TRMT11: variants seen among roughly 807,000 people sequenced by gnomAD.
TRMT11 encodes the protein tRNA methyltransferase 11.
TRMT11 carries 53 observed loss-of-function variants against 62.8 expected under a neutral mutation model. The observed-to-expected ratio is 0.84, with a 90% CI of 0.68 to 1.06. The LOEUF (loss-of-function observed/expected upper bound fraction) is 1.06, where lower values mean the gene tolerates loss of function less well. TRMT11 is among the 50% of genes least tolerant of loss of function. TRMT11 has a pLI of 0.00. For synonymous variants in TRMT11, 188 were observed against 190.3 expected (o/e 0.99, Z 0.10); for missense variants, 556 against 553.4 (o/e 1.00, Z -0.05).
intron 18 of TRMT11, among the ~76,000 whole-genome samples, chr6:126,114,553 C>T (rs1381193320): frequency 6.6e-6 from 1 of 152,044 alleles, no homozygotes; most frequent in Non-Finnish European, 1.5e-5. Context: ...CTCCTAGAGG[C>T]TAAAACAGTG....
chr6:126,200,240 C>T (rs1009932227), intron 3 of TRMT11, among the ~76,000 whole-genome samples: 3 of 152,116 alleles, frequency 2.0e-5, no homozygotes, highest in African/African-American at 4.8e-5. Context: ...CAAAGATCCT[C>T]GAAGATATCC....
chr6:126,103,146 A>G (rs1051379842), intron 17 of TRMT11, among the ~76,000 whole-genome samples: 1 of 152,156 alleles, frequency 6.6e-6, no homozygotes, highest in African/African-American at 2.4e-5. Flanking sequence ...TTCTCTTCCC[A>G]CAGCATACTT....
chr6:126,079,793 G>A (rs545252597), intron 17 of TRMT11, among the ~76,000 whole-genome samples: 1 of 152,288 alleles, frequency 6.6e-6, no homozygotes, highest in South Asian at 2.1e-4. Flanking sequence ...TCCTTGCAAA[G>A]CTCCGTGGTA....
intron 11 of TRMT11, among the ~76,000 whole-genome samples, chr6:126,018,234 C>T (rs1307002391): frequency 6.6e-6 from 1 of 152,150 alleles, no homozygotes; most frequent in Non-Finnish European, 1.5e-5. Flanking sequence ...GTGAACTTTG[C>T]AGTGCCTATA....
At chr6:126,083,052 A>G (rs1411395405) in intron 17 of TRMT11, among the ~76,000 whole-genome samples, 6 of 152,218 alleles carry the variant, frequency 3.9e-5, no homozygotes, top group Admixed American at 1.3e-4. Context: ...TGGGCAAAAG[A>G]CTTGAATAGA....
At chr6:126,154,924 C>T (rs929012008) in intron 21 of TRMT11, among the ~76,000 whole-genome samples, 1 of 152,126 alleles carries the variant, frequency 6.6e-6, no homozygotes, top group African/African-American at 2.4e-5. Flanking sequence ...CTGTTTTAGA[C>T]CTAGGTTCTG....
intron 17 of TRMT11, among the ~76,000 whole-genome samples, chr6:126,060,840 T>G (rs903915907): frequency 1.3e-5 from 2 of 152,236 alleles, no homozygotes; most frequent in African/African-American, 2.4e-5. Context: ...GAACACAACA[T>G]AGACTACTTG....
intron 18 of TRMT11, among the ~76,000 whole-genome samples, chr6:126,113,240 A>G (rs534592680): frequency 1.3e-5 from 2 of 152,072 alleles, no homozygotes; most frequent in African/African-American, 2.4e-5. Flanking sequence ...ATGTCTCTGC[A>G]TGTCCAGGCA....
intron 17 of TRMT11, among the ~76,000 whole-genome samples, chr6:126,067,553 T>C (rs1268701420): frequency 2.0e-5 from 3 of 152,228 alleles, no homozygotes; most frequent in Non-Finnish European, 4.4e-5. Context: ...TGTGTGACTA[T>C]ACTGTAGTTT....
chr6:126,012,803 A>G lies in TRMT11; in HGVS notation c.958A>G (p.Thr320Ala). ...TGGTATCAGAGAATCTACAAGAAGA[A>G]CAGGTTCACAGAAGGAGATACCAAA... ...PYGIRESTRR[T>A]GSQKEIPKGI... Residue 320 changes from threonine to alanine, a missense_variant, in exon 10 of 13, where the codon ACA becomes GCA. Physicochemically the swap from Thr to Ala is moderately conservative, Grantham distance 58. Transcript: ENST00000334379. The G allele has an allele frequency of 6.2e-7, 1 of 1,613,796 alleles. No individual in the cohort carries two copies. Among genetic ancestry groups the G allele is most frequent in the South Asian group, 1.1e-5 (1 of 91,074 alleles).
chr6:126,174,122 CA>C (rs2128237730), upstream of TRMT11, among the ~76,000 whole-genome samples: 1 of 152,212 alleles, frequency 6.6e-6, no homozygotes, highest in Admixed American at 6.5e-5. Flanking sequence ...CACCTTTCTG[CA>C]GCCTCTCACT....
At chr6:126,240,629 G>T in the TRMT11 span, among the ~76,000 whole-genome samples, 1 of 152,208 alleles carries the variant, frequency 6.6e-6, no homozygotes, top group African/African-American at 2.4e-5. Context: ...ACTGGGGGGT[G>T]CCTCCCAGTT....
chr6:126,212,796 G>A, the TRMT11 span, among the ~76,000 whole-genome samples: 1 of 151,960 alleles, frequency 6.6e-6, no homozygotes, highest in Non-Finnish European at 1.5e-5. Flanking sequence ...CATCTCATTT[G>A]TCCTTTTTTG....
the TRMT11 span, among the ~76,000 whole-genome samples, chr6:126,222,977 T>C: frequency 1.3e-5 from 2 of 152,258 alleles, no homozygotes; most frequent in Non-Finnish European, 2.9e-5. Context: ...TTTGTTTCCA[T>C]GCGTAGCACT....
intron 17 of TRMT11, among the ~76,000 whole-genome samples, chr6:126,104,231 C>G (rs181062479): frequency 1.3e-5 from 2 of 152,030 alleles, no homozygotes; most frequent in Admixed American, 6.6e-5. Flanking sequence ...GAATAGTCGC[C>G]GTTCAAAGTG....
chr6:126,216,330 T>C, the TRMT11 span, among the ~76,000 whole-genome samples: 8 of 152,286 alleles, frequency 5.3e-5, no homozygotes, highest in African/African-American at 1.9e-4. Flanking sequence ...GGCACTTATC[T>C]GTAAACTTTC....
chr6:126,192,471 G>A (rs919389800), intron 1 of TRMT11, among the ~76,000 whole-genome samples: 9 of 151,946 alleles, frequency 5.9e-5, no homozygotes, highest in African/African-American at 1.9e-4. Context: ...AAGACTTCTA[G>A]TACTACATTG....
At chr6:126,270,206 T>G in the TRMT11 span, among the ~76,000 whole-genome samples, 2 of 152,224 alleles carry the variant, frequency 1.3e-5, no homozygotes, top group East Asian at 1.9e-4. Context: ...TTAGTAGGTT[T>G]CTTTTTTTCT....
At chr6:126,240,000 C>CATCA in the TRMT11 span, among the ~76,000 whole-genome samples, 2 of 152,154 alleles carry the variant, frequency 1.3e-5, no homozygotes, top group Non-Finnish European at 1.5e-5. Context: ...CTGATCAAAT[C>CATCA]AGCTACTGAG....
Sources: allele counts gnomAD v4.1 joint callset (sites outside exome capture counted in the v4.1 genomes callset), GRCh38; gene constraint gnomAD v4.1.1; transcripts MANE v1.5; gene names NCBI Gene and HGNC (gene_info 2026-07-23, HGNC 2026-07-21).